Variants in RARA observed in about 807,000 individuals in gnomAD.
RARA encodes the protein retinoic acid receptor alpha, also known as PML-DDX5-RARA fusion.
RARA carries 5 observed loss-of-function variants against 42.8 expected under a neutral mutation model. That is an observed-to-expected ratio of 0.12 (90% CI 0.06 to 0.25). The LOEUF is 0.25. RARA is among the 10% of genes least tolerant of loss of function. RARA has a pLI of 1.00. For missense variants in RARA, 402 were observed against 628.7 expected (o/e 0.64, Z 3.86); for synonymous variants, 256 against 259.5 (o/e 0.99, Z 0.13).
At chr17:40,343,269 G>GC (rs1277504511) in intron 2 of RARA, 20 of 160,272 alleles carry the variant, frequency 1.2e-4, no homozygotes, top group East Asian at 1.8e-4. Context: ...CCGGGGGAAG[G>GC]CCCCCCCGCC....
chr17:40,341,212 C>A, intron 2 of RARA: 1 of 730,148 alleles, frequency 1.4e-6, no homozygotes, highest in Non-Finnish European at 1.9e-6. Flanking sequence ...TTCCTTTTAT[C>A]TCTCCAGAGC....
intron 1 of RARA, among the ~76,000 whole-genome samples, chr17:40,319,833 G>C (rs542178863): frequency 6.6e-6 from 1 of 152,098 alleles, no homozygotes; most frequent in African/African-American, 2.4e-5. Flanking sequence ...CGGGGGGGGC[G>C]GGTAGAGATG....
chr17:40,319,715 C>T (rs116988367), intron 1 of RARA, among the ~76,000 whole-genome samples: 108 of 152,250 alleles, frequency 7.1e-4, no homozygotes, highest in Non-Finnish European at 1.1e-3. Flanking sequence ...GGAAATTGGA[C>T]CTCAGGCCCC....
chr17:40,350,740 C>T (rs1159516938), intron 4 of RARA, among the ~76,000 whole-genome samples: 6 of 151,950 alleles, frequency 3.9e-5, no homozygotes, highest in East Asian at 1.9e-4. Flanking sequence ...GACTGTTGCA[C>T]GAAGAGCCCC....
chr17:40,326,108 G>A lies in RARA; in HGVS notation c.-362-4749G>A, dbSNP rs1167201135. ...CTCCATCCGAGGGAAGCAGACCCTG[G>A]GAAATGGGTAATTCTCCCTCCTGGC... is the stretch of plus-strand genomic sequence containing the variant. On this transcript the variant is annotated intron_variant, in intron 1 of 8. Transcript: ENST00000254066. The surrounding 1 kb of genome is among the most constrained non-coding windows in gnomAD (Gnocchi z 5.2). Among the ~76,000 whole-genome samples, 1 of 152,208 alleles carries A rather than the reference G, an allele frequency of 6.6e-6. No individual in the cohort carries two copies. Among genetic ancestry groups the A allele is most frequent in the African/African-American group, 2.4e-5 (1 of 41,442 alleles).
chr17:40,311,195 G>A (rs1331249972), intron 1 of RARA, among the ~76,000 whole-genome samples: 1 of 152,098 alleles, frequency 6.6e-6, no homozygotes, highest in East Asian at 1.9e-4. Flanking sequence ...CGACAGCTGA[G>A]ATATGTGTGG....
rs71355449 is a variant in RARA, at chr17:40,315,171, T to TAC, written c.-363+5908_-363+5909dup. On this transcript the variant is annotated intron_variant, in intron 1 of 8. Coordinates refer to ENST00000254066, the MANE Select transcript of RARA (RefSeq NM_000964.4). ...ATATATATATATATATATATATATA[T>TAC]ACACACACACACACACACACACACG... Among the ~76,000 whole-genome samples, 558 of 76,412 alleles carry TAC rather than the reference T, an allele frequency of 7.3e-3. 8 individuals are homozygous for TAC. Among genetic ancestry groups the TAC allele is most frequent in the East Asian group, 0.014 (37 of 2,556 alleles). The allele number at this position is 76,412 out of a possible 152,430, so 50.1% of individuals were successfully genotyped here.
In RARA at chr17:40,354,502, C is replaced by T. The variant is rs762097729; in HGVS notation, c.1008C>T (p.Cys336=). The change falls in exon 7 of 9, where the codon TGC becomes TGT. Residue 336 remains cysteine, a synonymous_variant. Coordinates refer to ENST00000254066, the MANE Select transcript of RARA (RefSeq NM_000964.4). This position sits in a 1 kb window ranked among gnomAD's most constrained non-coding sequence, Gnocchi z 4.5. ...TGCTCAGCGCCATCTGCCTCATCTGCGGAGGTGGGCAGGGGGCCTGGGTCT... is the reference window on the plus strand; with the variant it reads ...TGCTCAGCGCCATCTGCCTCATCTGTGGAGGTGGGCAGGGGGCCTGGGTCT... ...TGLLSAICLI[C]GDRQDLEQPD... The T allele has an allele frequency of 2.9e-6, 4 of 1,366,788 alleles. No homozygotes were observed. The highest frequency in any genetic ancestry group is 4.0e-5 in the East Asian group (1 of 24,744). 84.7% of individuals were successfully genotyped at this position (1,366,788 alleles called of 1,614,324 possible). A position where few individuals can be genotyped will look rare whatever the true frequency, so the allele number is the denominator to read the frequency against.
At chr17:40,342,475 C>T (rs1469123606) in intron 2 of RARA, 3 of 1,244,822 alleles carry the variant, frequency 2.4e-6, no homozygotes, top group Admixed American at 4.2e-5. Flanking sequence ...CGACGGACCC[C>T]CCCTCCCAGC....
At chr17:40,335,573 C>T (rs2033820047) in intron 2 of RARA, among the ~76,000 whole-genome samples, 1 of 152,010 alleles carries the variant, frequency 6.6e-6, no homozygotes, top group African/African-American at 2.4e-5. Flanking sequence ...GTCTGTAATC[C>T]CAGCTACTCG....
chr17:40,350,429 A>C (rs1486336432), intron 4 of RARA: 1 of 154,786 alleles, frequency 6.5e-6, no homozygotes, highest in Non-Finnish European at 1.4e-5. Flanking sequence ...GGAAGAAAGA[A>C]TTGGGACTTC....
At chr17:40,341,299 C>A in intron 2 of RARA, 1 of 1,374,734 alleles carries the variant, frequency 7.3e-7, no homozygotes, top group South Asian at 1.7e-5. Flanking sequence ...GCCGGAAGCA[C>A]GCAGAGCGTG....
At chr17:40,342,477 C>T (rs548661374) in intron 2 of RARA, 25 of 1,248,228 alleles carry the variant, frequency 2.0e-5, no homozygotes, top group Non-Finnish European at 2.3e-5. Flanking sequence ...ACGGACCCCC[C>T]CTCCCAGCAC....
chr17:40,316,895 G>C (rs1451418597), intron 1 of RARA, among the ~76,000 whole-genome samples: 2 of 152,208 alleles, frequency 1.3e-5, no homozygotes, highest in African/African-American at 4.8e-5. Context: ...CAGCAGGCGG[G>C]AAGGGGCCTG....
chr17:40,352,160 G>T lies in RARA; in HGVS notation c.630+90G>T, dbSNP rs1472076826. ...TCTCAGGCACCCCTTCTTGTGCCAG[G>T]CAAGATCTCTGCGTCCTTCCCTTCC... On this transcript the variant is annotated intron_variant, in intron 5 of 8. Transcript: ENST00000254066. This position sits in a 1 kb window ranked among gnomAD's most constrained non-coding sequence, Gnocchi z 4.9. The T allele has an allele frequency of 6.8e-7, 1 of 1,470,712 alleles. No individual in the cohort carries two copies. The highest frequency in any genetic ancestry group is 9.0e-7 in the Non-Finnish European group (1 of 1,115,702). 91.1% of individuals were successfully genotyped at this position (1,470,712 alleles called of 1,614,324 possible). A position where few individuals can be genotyped will look rare whatever the true frequency, so the allele number is the denominator to read the frequency against.
intron 1 of RARA, among the ~76,000 whole-genome samples, chr17:40,321,652 A>G (rs981468549): frequency 7.2e-5 from 11 of 152,146 alleles, no homozygotes; most frequent in African/African-American, 2.6e-4. Context: ...TCCTGCCCCA[A>G]AGGGCCCCTG....
chr17:40,315,100 G>GTGTGTA (rs1555569195), intron 1 of RARA, among the ~76,000 whole-genome samples: 1 of 72,796 alleles, frequency 1.4e-5, no homozygotes, highest in Non-Finnish European at 2.7e-5. Flanking sequence ...TGGGTTATAT[G>GTGTGTA]TATATATATA....
rs1567759326 is a variant in RARA at position 40,345,743 on chromosome 17, C to T, written c.179-2573C>T. Among the ~76,000 whole-genome samples the T allele has an allele frequency of 6.6e-6, 1 of 152,168 alleles. No homozygotes were observed. The highest frequency in any genetic ancestry group is 1.5e-5 in the Non-Finnish European group (1 of 68,020). On this transcript the variant is annotated intron_variant, in intron 2 of 8. Coordinates refer to ENST00000254066, the MANE Select transcript of RARA (RefSeq NM_000964.4). This position sits in a 1 kb window ranked among gnomAD's most constrained non-coding sequence, Gnocchi z 4.8. ...GAGGTTAGCAGGGATGGGCCAGGCC[C>T]GGGCAGTCCCTCCCCCGTTGGTGTC...
At position 40,326,366 on chromosome 17, in the gene RARA, G is replaced by A. The variant is rs2033546162; in HGVS notation, c.-362-4491G>A. Reference sequence around the variant, plus strand: ...GTAAACAGATGCTTAGAGAGGTTAAGTGACTTGCGTAAGGTCACCCAGAGT... The same window carrying A: ...GTAAACAGATGCTTAGAGAGGTTAAATGACTTGCGTAAGGTCACCCAGAGT... On this transcript the variant is annotated intron_variant, in intron 1 of 8. Transcript: ENST00000254066. This position sits in a 1 kb window ranked among gnomAD's most constrained non-coding sequence, Gnocchi z 5.2. 1 of 152,286 alleles carries A rather than the reference G, an allele frequency of 6.6e-6. No individual in the cohort carries two copies. Among genetic ancestry groups the A allele is most frequent in the Non-Finnish European group, 1.5e-5 (1 of 68,060 alleles). 9.4% of individuals were successfully genotyped at this position (152,286 alleles called of 1,614,324 possible).
Sources: gnomAD v4.1 joint callset for allele counts (sites outside exome capture counted in the v4.1 genomes callset) on GRCh38, gnomAD v4.1.1 for gene constraint, Gnocchi (gnomAD v3.1) non-coding constraint, MANE v1.5 for transcripts, NCBI Gene and HGNC (gene_info 2026-07-23, HGNC 2026-07-21) for gene names.